KIFAP3: variants seen among roughly 807,000 people sequenced by gnomAD.
KIFAP3 encodes kinesin associated protein 3, also known as kinesin-associated protein 3.
Under a neutral mutation model 106.5 loss-of-function variants are expected in KIFAP3, and 68 were observed. That is an observed-to-expected ratio of 0.64 (90% CI 0.53 to 0.78). KIFAP3 has a LOEUF of 0.78. Ranked by LOEUF, KIFAP3 falls within the 30% of genes least tolerant of loss-of-function variation. The probability of loss-of-function intolerance (pLI) is 0.00; values close to 1 mark genes in which losing one functional copy is unlikely to be tolerated. For synonymous variants in KIFAP3, 320 were observed against 311.5 expected, an observed-to-expected ratio of 1.03 and a Z score of -0.29; for missense variants, 780 against 941.8, an observed-to-expected ratio of 0.83 and a Z score of 2.25.
At chr1:169,967,934 C>G (rs866346232) in intron 17 of KIFAP3, among the ~76,000 whole-genome samples, 1 of 151,720 alleles carries the variant, frequency 6.6e-6, no homozygotes, top group African/African-American at 2.4e-5. Context: ...TATGAGAATT[C>G]AGGGATATCA....
intron 10 of KIFAP3, among the ~76,000 whole-genome samples, chr1:170,010,968 A>G (rs1158948728): frequency 1.3e-5 from 2 of 151,984 alleles, no homozygotes; most frequent in Non-Finnish European, 2.9e-5. Context: ...TCTTTAATTC[A>G]GTCAACTGTC....
At chr1:170,046,210 C>CAAAAAAAAAAAAAAAAA (rs60580320) in intron 3 of KIFAP3, among the ~76,000 whole-genome samples, 18 of 56,924 alleles carry the variant, frequency 3.2e-4, no homozygotes, top group East Asian at 2.6e-3. Flanking sequence ...TTCTCTGCTG[C>CAAAAAAAAAAAAAAAAA]AAAAAAAAAA....
chr1:170,023,168 A>T (rs1214356996), intron 9 of KIFAP3, among the ~76,000 whole-genome samples: 1 of 152,140 alleles, frequency 6.6e-6, no homozygotes, highest in African/African-American at 2.4e-5. Context: ...AATATCAGGC[A>T]CATCATGAAC....
At chr1:169,994,609 T>C (rs1250561938) in intron 10 of KIFAP3, among the ~76,000 whole-genome samples, 1 of 152,074 alleles carries the variant, frequency 6.6e-6, no homozygotes, top group Admixed American at 6.6e-5. Context: ...AGTAAGCATT[T>C]TCACCTTAAA....
intron 6 of KIFAP3, 58 bp downstream of exon 6, chr1:170,035,396 A>C: frequency 9.6e-7 from 1 of 1,039,696 alleles, no homozygotes; most frequent in South Asian, 1.6e-5. Context: ...AATCAATGAC[A>C]CAGACAAAGA....
upstream of KIFAP3, among the ~76,000 whole-genome samples, chr1:170,078,111 C>A (rs1027023005): frequency 1.3e-5 from 2 of 152,080 alleles, no homozygotes; most frequent in Non-Finnish European, 2.9e-5. Flanking sequence ...AATGACTGTA[C>A]AAAACCACCA....
chr1:170,059,426 C>G (rs187142284), intron 1 of KIFAP3, among the ~76,000 whole-genome samples: 28 of 152,226 alleles, frequency 1.8e-4, no homozygotes, highest in Non-Finnish European at 4.0e-4. Flanking sequence ...TGGATAAATT[C>G]CTGGACACAC....
intron 13 of KIFAP3, 102 bp from the exon 14 acceptor site, chr1:169,982,969 A>G (rs1666607642): frequency 5.7e-6 from 4 of 699,510 alleles, no homozygotes; most frequent in Non-Finnish European, 8.4e-6. Context: ...AAAAGTAAAT[A>G]TCAAATGTGA....
chr1:170,037,800 A>G (rs935029472), intron 5 of KIFAP3, among the ~76,000 whole-genome samples: 1 of 152,032 alleles, frequency 6.6e-6, no homozygotes, highest in Non-Finnish European at 1.5e-5. Flanking sequence ...AACAAAAATG[A>G]TTCTATAGTG....
intron 16 of KIFAP3, among the ~76,000 whole-genome samples, chr1:169,973,697 G>A (rs963614055): frequency 1.6e-4 from 24 of 151,792 alleles, no homozygotes; most frequent in Admixed American, 6.6e-4. Context: ...AAACATCTTC[G>A]AATTGCTGGG....
At chr1:170,078,829 A>C (rs932308441), upstream of KIFAP3, among the ~76,000 whole-genome samples, 1 of 152,244 alleles carries the variant, frequency 6.6e-6, no homozygotes, top group African/African-American at 2.4e-5. Flanking sequence ...TCCTGATATC[A>C]AAATTAGAAA....
chr1:170,036,568 ATGCATATTAACAG>A (rs1204682331), intron 5 of KIFAP3, among the ~76,000 whole-genome samples: 1 of 152,182 alleles, frequency 6.6e-6, no homozygotes, highest in Non-Finnish European at 1.5e-5. Context: ...TAGGTTGACA[ATGCATATTAACAG>A]CAAAGCCTCC....
chr1:169,965,237 A>G (rs1225465221), intron 17 of KIFAP3, among the ~76,000 whole-genome samples: 1 of 152,146 alleles, frequency 6.6e-6, no homozygotes, highest in Non-Finnish European at 1.5e-5. Flanking sequence ...GGGAAGAGGC[A>G]TAAAACTAAT....
chr1:170,032,894 T>C (rs983120990), intron 7 of KIFAP3, among the ~76,000 whole-genome samples: 2 of 151,764 alleles, frequency 1.3e-5, no homozygotes, highest in East Asian at 1.9e-4. Flanking sequence ...CAATAGTGAA[T>C]CTTAAAATTA....
At chr1:170,007,334 A>G (rs1263624127) in intron 10 of KIFAP3, among the ~76,000 whole-genome samples, 4 of 151,994 alleles carry the variant, frequency 2.6e-5, no homozygotes, top group East Asian at 3.9e-4. Context: ...GCAGATAGGG[A>G]AAGAGAAACA....
At chr1:170,031,210 T>C (rs1205898918) in intron 8 of KIFAP3, among the ~76,000 whole-genome samples, 1 of 151,740 alleles carries the variant, frequency 6.6e-6, no homozygotes, top group Non-Finnish European at 1.5e-5. Flanking sequence ...TGAACTAAAT[T>C]ACTTGGCTTC....
intron 3 of KIFAP3, among the ~76,000 whole-genome samples, chr1:170,045,678 A>G (rs906251546): frequency 6.6e-6 from 1 of 152,176 alleles, no homozygotes; most frequent in African/African-American, 2.4e-5. Flanking sequence ...TGTTTTCTAC[A>G]ATTTGAACTA....
rs141921321 is a variant in KIFAP3 at position 169,968,811 on chromosome 1, T to A, written c.1983+3702A>T. Reference sequence around the variant, plus strand: ...CTTTCATACTATGCATGGGTTCTTTTAAGTCCAAATGTTGCCAATTAAAAA... The same window carrying A: ...CTTTCATACTATGCATGGGTTCTTTAAAGTCCAAATGTTGCCAATTAAAAA... On this transcript the variant is annotated intron_variant, in intron 17 of 19. Coordinates refer to ENST00000361580, the MANE Select transcript of KIFAP3 (RefSeq NM_014970.4). Among the ~76,000 whole-genome samples the A allele has an allele frequency of 2.4e-3, 356 of 147,452 alleles. 2 individuals are homozygous for A. Among genetic ancestry groups the A allele is most frequent in the African/African-American group, 8.2e-3 (338 of 41,374 alleles).
chr1:170,054,919 A>T (rs184548893), intron 2 of KIFAP3, among the ~76,000 whole-genome samples: 26 of 152,322 alleles, frequency 1.7e-4, no homozygotes, highest in African/African-American at 5.8e-4. Context: ...TGGCACATGT[A>T]TATCTATGTA....
Sources: gnomAD v4.1 joint callset for allele counts (sites outside exome capture counted in the v4.1 genomes callset) on GRCh38, gnomAD v4.1.1 for gene constraint, MANE v1.5 for transcripts, NCBI Gene and HGNC (gene_info 2026-07-23, HGNC 2026-07-21) for gene names.